The following NKAIN3 variants were observed in gnomAD, a reference collection of about 807,000 sequenced individuals.
NKAIN3 encodes sodium/potassium-transporting ATPase subunit beta-1-interacting protein 3.
Under a neutral mutation model 30.2 loss-of-function variants are expected in NKAIN3, and 25 were observed. The ratio of observed to expected loss-of-function variants is 0.83; its 90% CI spans 0.60 to 1.16. The LOEUF (loss-of-function observed/expected upper bound fraction) is 1.16, where lower values mean the gene tolerates loss of function less well. Ranked by LOEUF, NKAIN3 falls within the 50% of genes most tolerant of loss-of-function variation. The pLI, the probability that NKAIN3 is intolerant of heterozygous loss-of-function variation, is 0.00. For synonymous variants in NKAIN3, 91 were observed against 89.6 expected (o/e 1.02, Z -0.09); for missense variants, 225 against 254.1 (o/e 0.89, Z 0.78).
At chr8:62,615,988 T>C (rs1811442142) in intron 3 of NKAIN3, among the ~76,000 whole-genome samples, 1 of 152,056 alleles carries the variant, frequency 6.6e-6, no homozygotes, top group Non-Finnish European at 1.5e-5. Context: ...TGTAGATAGT[T>C]GTTAACTTGG....
At chr8:62,285,572 C>T (rs531722703) in intron 1 of NKAIN3, among the ~76,000 whole-genome samples, 87 of 152,200 alleles carry the variant, frequency 5.7e-4, no homozygotes, top group African/African-American at 2.1e-3. Context: ...CAGTGGGGCT[C>T]TGAGTTAGAC....
intron 3 of NKAIN3, among the ~76,000 whole-genome samples, chr8:62,697,708 A>G (rs1009268744): frequency 6.6e-6 from 1 of 152,222 alleles, no homozygotes; most frequent in Non-Finnish European, 1.5e-5. Context: ...TGTCTGTCAC[A>G]TATTAGGTTC....
chr8:62,333,819 C>T (rs995677519), intron 1 of NKAIN3, among the ~76,000 whole-genome samples: 1 of 152,042 alleles, frequency 6.6e-6, no homozygotes, highest in African/African-American at 2.4e-5. Flanking sequence ...TTACAAGTCG[C>T]ATTTTGGAGA....
intron 3 of NKAIN3, among the ~76,000 whole-genome samples, chr8:62,595,748 G>T (rs370251391): frequency 2.2e-4 from 33 of 152,094 alleles, no homozygotes; most frequent in African/African-American, 7.2e-4. Flanking sequence ...ACTGCTTCCT[G>T]TTGAATTGGG....
intron 1 of NKAIN3, among the ~76,000 whole-genome samples, chr8:62,397,253 C>A (rs542395143): frequency 3.3e-5 from 4 of 121,050 alleles, no homozygotes; most frequent in Admixed American, 3.3e-4. Context: ...CTTTTATTAT[C>A]TTTTTCCTTA....
intron 4 of NKAIN3, chr8:62,863,559 C>T (rs978119998): frequency 8.3e-7 from 1 of 1,207,856 alleles, no homozygotes; most frequent in African/African-American, 1.5e-5. Flanking sequence ...CCAAGTACTC[C>T]CAAGACCATG....
At position 62,976,505 on chromosome 8, in the gene NKAIN3, A is replaced by G. The variant is rs964541365; in HGVS notation, c.*11098A>G. ...TGTTTTACCAGAGGCTAAGATTGCA[A>G]CCCCTGCTTTTTTTTGCTTTCCATT... On this transcript the variant is annotated 3_prime_UTR_variant, in exon 7 of 7. Transcript: ENST00000623646. Among the ~76,000 whole-genome samples, 1 of 145,404 alleles carries G rather than the reference A, an allele frequency of 6.9e-6. No individual in the cohort carries two copies. Among genetic ancestry groups the G allele is most frequent in the Non-Finnish European group, 1.5e-5 (1 of 66,092 alleles).
At chr8:62,723,964 A>G (rs928977111) in intron 3 of NKAIN3, among the ~76,000 whole-genome samples, 1 of 152,142 alleles carries the variant, frequency 6.6e-6, no homozygotes, top group African/African-American at 2.4e-5. Flanking sequence ...TCTGCATTCC[A>G]TCAAGGTGGT....
intron 1 of NKAIN3, among the ~76,000 whole-genome samples, chr8:62,552,989 A>T (rs942755619): frequency 6.6e-6 from 1 of 152,202 alleles, no homozygotes; most frequent in Admixed American, 6.5e-5. Context: ...TGTGGTGGAG[A>T]CAAAGAAATA....
chr8:62,799,904 C>T (rs1305265931), intron 4 of NKAIN3, among the ~76,000 whole-genome samples: 1 of 151,958 alleles, frequency 6.6e-6, no homozygotes, highest in Non-Finnish European at 1.5e-5. Context: ...TTTGTAGCAA[C>T]CTGGGTGGAA....
intron 1 of NKAIN3, among the ~76,000 whole-genome samples, chr8:62,281,080 A>G (rs1046079247): frequency 6.6e-6 from 1 of 152,142 alleles, no homozygotes; most frequent in Non-Finnish European, 1.5e-5. Flanking sequence ...CAGGGATTCA[A>G]CTTCTTCCTG....
At chr8:62,251,003 C>T (rs373816750) in intron 1 of NKAIN3, among the ~76,000 whole-genome samples, 1 of 152,108 alleles carries the variant, frequency 6.6e-6, no homozygotes, top group African/African-American at 2.4e-5. Flanking sequence ...GACCATAGTA[C>T]TAGTGATCTT....
At chr8:62,517,902 C>G (rs1392209934) in intron 1 of NKAIN3, among the ~76,000 whole-genome samples, 2 of 151,580 alleles carry the variant, frequency 1.3e-5, no homozygotes, top group Non-Finnish European at 1.5e-5. Context: ...CTATATCTAA[C>G]TAGAGCTATA....
In NKAIN3 at chr8:62,656,444, A is replaced by G. The variant is rs540732928; in HGVS notation, c.273+66650A>G. 3.3e-5 allele frequency among the ~76,000 whole-genome samples: 5 copies of G among 152,102 alleles called. No homozygotes were observed. The South Asian group carries it at 1.0e-3, about 32-fold the overall frequency. On this transcript the variant is annotated intron_variant, in intron 3 of 6. Transcript: ENST00000623646. ...GTACCCCAGAACCTAAAGTATAAAA[A>G]AATAAATAAATAAAATAAAAAATAA...
chr8:62,377,876 G>C (rs983516070), intron 1 of NKAIN3, among the ~76,000 whole-genome samples: 3 of 152,162 alleles, frequency 2.0e-5, no homozygotes, highest in Non-Finnish European at 2.9e-5. Context: ...TTTGGGTATT[G>C]CTTCATAGTG....
chr8:62,855,738 C>G (rs765270921), intron 4 of NKAIN3: 2 of 1,463,352 alleles, frequency 1.4e-6, no homozygotes, highest in Middle Eastern at 2.3e-4. Flanking sequence ...ATCTTGTCCA[C>G]CTGCTCTGGA....
chr8:62,538,506 T>C (rs1345350207), intron 1 of NKAIN3, among the ~76,000 whole-genome samples: 1 of 152,124 alleles, frequency 6.6e-6, no homozygotes, highest in Non-Finnish European at 1.5e-5. Context: ...CCTTAACTTT[T>C]CCCCCCTCCA....
intron 4 of NKAIN3, among the ~76,000 whole-genome samples, chr8:62,840,973 C>T (rs1391451559): frequency 6.6e-6 from 1 of 152,066 alleles, no homozygotes; most frequent in East Asian, 1.9e-4. Context: ...TTGAAGAACT[C>T]AGCTAGAGGG....
intron 1 of NKAIN3, among the ~76,000 whole-genome samples, chr8:62,278,394 T>A (rs965128673): frequency 1.2e-3 from 173 of 148,206 alleles, no homozygotes; most frequent in Non-Finnish European, 1.9e-3. Flanking sequence ...TTTTTTTTTT[T>A]ATACTTTAAG....
Sources: allele counts gnomAD v4.1 joint callset (sites outside exome capture counted in the v4.1 genomes callset), GRCh38; gene constraint gnomAD v4.1.1; transcripts MANE v1.5; gene names NCBI Gene and HGNC (gene_info 2026-07-23, HGNC 2026-07-21).